The following CAMKMT variants were observed in gnomAD, a reference collection of about 807,000 sequenced individuals.
CAMKMT encodes the protein calmodulin-lysine N-methyltransferase.
A neutral mutation model predicts 48.0 loss-of-function variants in CAMKMT; 53 were observed. That is an observed-to-expected ratio of 1.10 (90% CI 0.89 to 1.39). The LOEUF (loss-of-function observed/expected upper bound fraction) is 1.39, where lower values mean the gene tolerates loss of function less well. CAMKMT is among the 40% of genes most tolerant of loss of function. The pLI, the probability that CAMKMT is intolerant of heterozygous loss-of-function variation, is 0.00. For synonymous variants in CAMKMT, 165 were observed against 152.3 expected (o/e 1.08, Z -0.61); for missense variants, 428 against 402.7 (o/e 1.06, Z -0.54).
chr2:44,658,811 G>T (rs182043184), intron 3 of CAMKMT, among the ~76,000 whole-genome samples: 1 of 152,268 alleles, frequency 6.6e-6, no homozygotes, highest in East Asian at 1.9e-4. Context: ...CTAAAAGCTA[G>T]TCTGTTTCCT....
rs72870508 is a variant in CAMKMT, at chr2:44,669,970, C to G, written c.377-34313C>G. 4.8e-3 allele frequency among the ~76,000 whole-genome samples: 726 copies of G among 152,274 alleles called. 7 individuals are homozygous for G. The highest frequency in any genetic ancestry group is 0.017 in the African/African-American group (709 of 41,548). ...GTTTTAATCTGTATTTCCCTATTTA[C>G]TAATCAGCTACTTTTCAATGATTAT... On this transcript the variant is annotated intron_variant, in intron 3 of 10. Transcript: ENST00000378494.
intron 9 of CAMKMT, among the ~76,000 whole-genome samples, chr2:44,761,600 C>A (rs187672202): frequency 5.3e-5 from 8 of 152,128 alleles, no homozygotes; most frequent in African/African-American, 1.9e-4. Context: ...CCAGGCCACC[C>A]CTGAAGCAAT....
At chr2:44,521,714 C>T (rs933958917) in intron 3 of CAMKMT, among the ~76,000 whole-genome samples, 9 of 152,178 alleles carry the variant, frequency 5.9e-5, no homozygotes, top group African/African-American at 2.2e-4. Context: ...TGCTCTCAGC[C>T]TTCCATAAAG....
chr2:44,544,784 A>G (rs958894868), intron 3 of CAMKMT, among the ~76,000 whole-genome samples: 1 of 152,212 alleles, frequency 6.6e-6, no homozygotes, highest in Non-Finnish European at 1.5e-5. Context: ...ATAAGATTCT[A>G]ATATTTTTTG....
intron 3 of CAMKMT, among the ~76,000 whole-genome samples, chr2:44,661,188 C>T (rs1323802281): frequency 2.0e-5 from 3 of 151,960 alleles, no homozygotes; most frequent in African/African-American, 7.3e-5. Flanking sequence ...AGGTAGATGG[C>T]TTGCCTAATT....
chr2:44,447,316 A>G (rs1291785489), intron 3 of CAMKMT, among the ~76,000 whole-genome samples: 1 of 152,114 alleles, frequency 6.6e-6, no homozygotes, highest in Admixed American at 6.5e-5. Flanking sequence ...TCCTCGTTTT[A>G]TGTAATTCTG....
intron 3 of CAMKMT, among the ~76,000 whole-genome samples, chr2:44,496,912 C>G (rs1445564827): frequency 6.6e-6 from 1 of 152,116 alleles, no homozygotes; most frequent in African/African-American, 2.4e-5. Flanking sequence ...TTGTTGGGAT[C>G]ATTTGTTGCA....
At chr2:44,752,965 G>A (rs571685052) in intron 8 of CAMKMT, among the ~76,000 whole-genome samples, 1 of 152,314 alleles carries the variant, frequency 6.6e-6, no homozygotes, top group South Asian at 2.1e-4. Flanking sequence ...TCTGCGACCT[G>A]CAAGTTCAGA....
intron 7 of CAMKMT, among the ~76,000 whole-genome samples, chr2:44,741,794 C>T (rs532624116): frequency 6.6e-6 from 1 of 152,336 alleles, no homozygotes; most frequent in East Asian, 1.9e-4. Flanking sequence ...AGACCCCTAT[C>T]TCTCCAGTTT....
At chr2:44,372,374 G>A (rs932130223) in intron 1 of CAMKMT, among the ~76,000 whole-genome samples, 1 of 151,806 alleles carries the variant, frequency 6.6e-6, no homozygotes, top group Admixed American at 6.6e-5. Flanking sequence ...AGTTCCAGCT[G>A]CTAGGGAGCC....
chr2:44,502,864 A>G (rs1245915427), intron 3 of CAMKMT, among the ~76,000 whole-genome samples: 2 of 152,160 alleles, frequency 1.3e-5, no homozygotes, highest in African/African-American at 2.4e-5. Context: ...TTAAAGGAAA[A>G]TACTATGTAT....
chr2:44,659,642 T>G (rs1206252698), intron 3 of CAMKMT, among the ~76,000 whole-genome samples: 1 of 152,080 alleles, frequency 6.6e-6, no homozygotes, highest in Non-Finnish European at 1.5e-5. Context: ...TCCATTCTCT[T>G]TATGGTACTT....
At chr2:44,667,983 G>A (rs1441663889) in intron 3 of CAMKMT, among the ~76,000 whole-genome samples, 2 of 152,110 alleles carry the variant, frequency 1.3e-5, no homozygotes, top group African/African-American at 4.8e-5. Flanking sequence ...CAACAGTCCA[G>A]CTCTAATTAA....
At chr2:44,651,447 G>T (rs1674059676) in intron 3 of CAMKMT, among the ~76,000 whole-genome samples, 9 of 152,220 alleles carry the variant, frequency 5.9e-5, no homozygotes, top group Admixed American at 5.9e-4. Flanking sequence ...ACTTTGCTAG[G>T]CCGAGGCGGG....
intron 3 of CAMKMT, among the ~76,000 whole-genome samples, chr2:44,532,999 A>T (rs1666573351): frequency 6.6e-6 from 1 of 151,598 alleles, no homozygotes; most frequent in Non-Finnish European, 1.5e-5. Context: ...TTTTTAGTAG[A>T]GACGGGGTTT....
intron 8 of CAMKMT, among the ~76,000 whole-genome samples, chr2:44,744,598 G>A (rs1303112218): frequency 6.6e-6 from 1 of 152,212 alleles, no homozygotes; most frequent in East Asian, 1.9e-4. Flanking sequence ...AACACATTAA[G>A]TTCAGATTCT....
At chr2:44,522,294 C>T (rs1478368192) in intron 3 of CAMKMT, among the ~76,000 whole-genome samples, 3 of 152,090 alleles carry the variant, frequency 2.0e-5, no homozygotes, top group South Asian at 2.1e-4. Flanking sequence ...CATGAGCCAC[C>T]GAGCCCGGCC....
intron 3 of CAMKMT, among the ~76,000 whole-genome samples, chr2:44,565,862 T>C (rs1993299): frequency 0.55 from 84,337 of 152,050 alleles, 24,641 homozygotes; most frequent in Middle Eastern, 0.67. Flanking sequence ...AGGCTGACTG[T>C]TCTAAAGTTG....
intron 1 of CAMKMT, among the ~76,000 whole-genome samples, chr2:44,365,293 A>G (rs548381367): frequency 6.6e-6 from 1 of 152,152 alleles, no homozygotes; most frequent in Non-Finnish European, 1.5e-5. Flanking sequence ...TATGTTAACT[A>G]TTCAGTATTT....
Sources: allele counts gnomAD v4.1 joint callset (sites outside exome capture counted in the v4.1 genomes callset), GRCh38; gene constraint gnomAD v4.1.1; transcripts MANE v1.5; gene names NCBI Gene and HGNC (gene_info 2026-07-23, HGNC 2026-07-21).